HEATR5A: variants seen among roughly 807,000 people sequenced by gnomAD.
HEATR5A encodes HEAT repeat containing 5A.
In HEATR5A, 178 loss-of-function variants were observed where a neutral mutation model predicts 218.8. The observed-to-expected ratio is 0.81, with a 90% CI of 0.72 to 0.92. The LOEUF (loss-of-function observed/expected upper bound fraction) is 0.92. HEATR5A is among the 40% of genes least tolerant of loss of function. The pLI, the probability that HEATR5A is intolerant of heterozygous loss-of-function variation, is 0.00. For synonymous variants in HEATR5A, 864 were observed against 871.6 expected, an observed-to-expected ratio of 0.99 and a Z score of 0.15; for missense variants, 2,420 against 2,418.9, an observed-to-expected ratio of 1.00 and a Z score of -0.01.
At chr14:31,293,732 CTAAAT>C (rs1899090128) in intron 35 of HEATR5A, 120 bp from the exon 36 acceptor site, 8 of 1,096,146 alleles carry the variant, frequency 7.3e-6, no homozygotes, top group Non-Finnish European at 1.0e-5. Flanking sequence ...CCAATCTCTT[CTAAAT>C]TAATACTAAA....
rs561133236 is a variant in HEATR5A, at chr14:31,325,602, G to C, written c.3547+561C>G. 7.2e-5 allele frequency among the ~76,000 whole-genome samples: 11 copies of C among 151,874 alleles called. No homozygotes were observed. In the East Asian group the frequency reaches 2.1e-3, roughly 29 times the overall value. On this transcript the variant is annotated intron_variant, in intron 23 of 35. Coordinates refer to ENST00000543095, the MANE Select transcript of HEATR5A (RefSeq NM_015473.4). ...TGGCTCACTGCAACCTCTGCCTCTC[G>C]GGCTCAAGCAATCCTCCCATCTTAG...
intron 9 of HEATR5A, among the ~76,000 whole-genome samples, chr14:31,385,891 C>T (rs2030199333): frequency 6.6e-6 from 1 of 152,048 alleles, no homozygotes; most frequent in Non-Finnish European, 1.5e-5. Context: ...CCATGACGGG[C>T]TAATTTTTCT....
At chr14:31,417,427 CA>C (rs1317294656) in intron 1 of HEATR5A, among the ~76,000 whole-genome samples, 1 of 151,298 alleles carries the variant, frequency 6.6e-6, no homozygotes, top group East Asian at 1.9e-4. Flanking sequence ...AAAAACAAAA[CA>C]AAAAAAATTA....
chr14:31,363,017 A>G (rs993968665), intron 14 of HEATR5A, among the ~76,000 whole-genome samples: 3 of 151,942 alleles, frequency 2.0e-5, no homozygotes, highest in Non-Finnish European at 4.4e-5. Context: ...AGGATGGATC[A>G]TATGAGGTAA....
intron 1 of HEATR5A, among the ~76,000 whole-genome samples, chr14:31,409,482 T>C (rs902635363): frequency 2.0e-5 from 3 of 152,222 alleles, no homozygotes; most frequent in African/African-American, 7.2e-5. Flanking sequence ...GGCAGATCAC[T>C]TGAGCCGAGG....
At chr14:31,353,875 C>T (rs1016116368) in intron 16 of HEATR5A, among the ~76,000 whole-genome samples, 2 of 152,056 alleles carry the variant, frequency 1.3e-5, no homozygotes, top group Non-Finnish European at 2.9e-5. Context: ...TCTCAACTCA[C>T]TGCAAGCTCT....
intron 1 of HEATR5A, among the ~76,000 whole-genome samples, chr14:31,411,708 G>C (rs953004395): frequency 1.3e-5 from 2 of 152,128 alleles, no homozygotes; most frequent in Admixed American, 1.3e-4. Flanking sequence ...TTTAACCATA[G>C]GCTTCTCCTC....
At chr14:31,299,047 A>C (rs4981837) in intron 33 of HEATR5A, among the ~76,000 whole-genome samples, 152,044 of 152,270 alleles carry the variant, frequency 1, 75,910 homozygotes, top group Middle Eastern at 1. Flanking sequence ...AATCTCCTCT[A>C]ACCTTGATTT....
intron 12 of HEATR5A, among the ~76,000 whole-genome samples, chr14:31,372,929 G>T (rs1038930128): frequency 7.1e-5 from 1 of 13,996 alleles, no homozygotes. Context: ...CTTCCCTCCC[G>T]ACCCCACCTC....
chr14:31,318,647 C>T (rs186021900), intron 25 of HEATR5A, among the ~76,000 whole-genome samples: 37 of 152,264 alleles, frequency 2.4e-4, no homozygotes, highest in African/African-American at 7.2e-4. Flanking sequence ...CCTGCCACCG[C>T]AACCAGCTAA....
intron 22 of HEATR5A, among the ~76,000 whole-genome samples, chr14:31,335,191 A>G (rs1281132581): frequency 6.6e-6 from 1 of 152,180 alleles, no homozygotes; most frequent in Non-Finnish European, 1.5e-5. Context: ...ACTACAGTAT[A>G]GTACAAACAT....
Position 31,359,048 on chromosome 14 carries a change from C to G in HEATR5A, c.2081G>C (p.Cys694Ser). Residue 694 changes from cysteine to serine, a missense_variant, in exon 15 of 36, where the codon TGT (cysteine) becomes TCT (serine). Coordinates refer to ENST00000543095, the MANE Select transcript of HEATR5A (RefSeq NM_015473.4). ...LPPETYEGNL[C>S]AILRELAADL... ...AGCAGCCAGCTCTCTGAGGATAGCA[C>G]AGAGGTTTCCTGTTGAGTCACAGAA... is the stretch of plus-strand genomic sequence containing the variant. The G allele has an allele frequency of 6.3e-7, 1 of 1,594,648 alleles. No individual in the cohort carries two copies. Among genetic ancestry groups the G allele is most frequent in the Non-Finnish European group, 8.5e-7 (1 of 1,175,774 alleles).
At chr14:31,405,806 T>C (rs1333022888) in intron 1 of HEATR5A, among the ~76,000 whole-genome samples, 3 of 152,168 alleles carry the variant, frequency 2.0e-5, no homozygotes, top group Non-Finnish European at 4.4e-5. Context: ...ACATTTTTTT[T>C]CCTTAGGCAC....
intron 13 of HEATR5A, among the ~76,000 whole-genome samples, chr14:31,366,501 A>G (rs7147659): frequency 1 from 152,106 of 152,318 alleles, 75,948 homozygotes; most frequent in Middle Eastern, 1. Flanking sequence ...AAGTGTATGT[A>G]CATTTTTTAA....
At chr14:31,338,107 G>A (rs1345095630) in intron 21 of HEATR5A, among the ~76,000 whole-genome samples, 1 of 152,138 alleles carries the variant, frequency 6.6e-6, no homozygotes. Context: ...CTTACTAGCT[G>A]TGTGACTGTG....
At chr14:31,415,172 AATT>A (rs1302450532) in intron 1 of HEATR5A, among the ~76,000 whole-genome samples, 1 of 152,084 alleles carries the variant, frequency 6.6e-6, no homozygotes, top group Non-Finnish European at 1.5e-5. Flanking sequence ...TACCTCATAA[AATT>A]TAGCTACCTA....
At chr14:31,305,863 G>A (rs1383399325) in intron 31 of HEATR5A, among the ~76,000 whole-genome samples, 1 of 152,122 alleles carries the variant, frequency 6.6e-6, no homozygotes, top group East Asian at 1.9e-4. Context: ...GCCCTAGACT[G>A]CCTATCTCTG....
intron 10 of HEATR5A, among the ~76,000 whole-genome samples, chr14:31,382,201 A>G (rs1196176205): frequency 2.0e-5 from 3 of 152,256 alleles, no homozygotes; most frequent in East Asian, 3.8e-4. Context: ...ACATTGAATG[A>G]CAAGTCTTTG....
chr14:31,419,622 A>C (rs1296237242), intron 1 of HEATR5A, among the ~76,000 whole-genome samples: 5 of 152,260 alleles, frequency 3.3e-5, no homozygotes, highest in African/African-American at 9.6e-5. Context: ...ATGCACATAA[A>C]AACAATGGAT....
Sources: allele counts gnomAD v4.1 joint callset (sites outside exome capture counted in the v4.1 genomes callset), GRCh38; gene constraint gnomAD v4.1.1; transcripts MANE v1.5; gene names NCBI Gene and HGNC (gene_info 2026-07-23, HGNC 2026-07-21).